Variants in DNAJC1 observed in about 807,000 individuals in gnomAD.
DNAJC1 encodes DnaJ heat shock protein family (Hsp40) member C1.
DNAJC1 carries 58 observed loss-of-function variants against 76.6 expected under a neutral mutation model. That is an observed-to-expected ratio of 0.76 (90% CI 0.61 to 0.94). DNAJC1 has a LOEUF of 0.94. Ranked by LOEUF, DNAJC1 falls within the 40% of genes least tolerant of loss-of-function variation. DNAJC1 has a pLI of 0.00. For synonymous variants in DNAJC1, 258 were observed against 267.9 expected, an observed-to-expected ratio of 0.96 and a Z score of 0.36; for missense variants, 689 against 677.3, an observed-to-expected ratio of 1.02 and a Z score of -0.19.
At chr10:21,922,703 C>T (rs949761709) in intron 3 of DNAJC1, among the ~76,000 whole-genome samples, 1 of 151,920 alleles carries the variant, frequency 6.6e-6, no homozygotes, top group Non-Finnish European at 1.5e-5. Flanking sequence ...TTCAAGTGCT[C>T]TAACATAAGA....
intron 1 of DNAJC1, among the ~76,000 whole-genome samples, chr10:21,957,721 A>G (rs1322284711): frequency 6.6e-6 from 1 of 152,198 alleles, no homozygotes; most frequent in African/African-American, 2.4e-5. Flanking sequence ...CAAGTAACAC[A>G]TGAATAAATA....
chr10:21,883,295 C>CACACACACACACACACA (rs1554893891), intron 7 of DNAJC1, among the ~76,000 whole-genome samples: 7 of 149,846 alleles, frequency 4.7e-5, no homozygotes, highest in Non-Finnish European at 7.4e-5. Flanking sequence ...CACACACACA[C>CACACACACACACACACA]CATTTTAACT....
intron 7 of DNAJC1, among the ~76,000 whole-genome samples, chr10:21,899,518 T>C (rs1033697751): frequency 6.6e-6 from 1 of 152,002 alleles, no homozygotes; most frequent in Non-Finnish European, 1.5e-5. Flanking sequence ...GGCTTTGGAG[T>C]ATACAGACAG....
intron 9 of DNAJC1, among the ~76,000 whole-genome samples, chr10:21,795,892 C>CT (rs1834745811): frequency 6.6e-6 from 1 of 151,294 alleles, no homozygotes; most frequent in South Asian, 2.1e-4. Context: ...AGTATCTGTC[C>CT]TTATAGGAGA....
chr10:21,851,922 G>C (rs1342280838), intron 8 of DNAJC1, among the ~76,000 whole-genome samples: 3 of 151,806 alleles, frequency 2.0e-5, no homozygotes. Context: ...GCCTGGTGGC[G>C]GGCGCCTGTA....
chr10:21,895,934 GCAGGCCACCACTT>G (rs532479100), intron 7 of DNAJC1, among the ~76,000 whole-genome samples: 3 of 152,140 alleles, frequency 2.0e-5, no homozygotes, highest in African/African-American at 7.2e-5. Context: ...TACAGCTCAT[GCAGGCCACCACTT>G]CAGGCCACCA....
chr10:21,918,818 C>G lies in DNAJC1; in HGVS notation c.690G>C (p.Trp230Cys), dbSNP rs749176575. The G allele has an allele frequency of 6.2e-7, 1 of 1,613,182 alleles. No individual in the cohort carries two copies. Among genetic ancestry groups the G allele is most frequent in the South Asian group, 1.1e-5 (1 of 91,054 alleles). Residue 230 changes from tryptophan (W) to cysteine (C), a missense_variant, in exon 6 of 12, where the codon TGG (tryptophan) becomes TGC (cysteine). Coordinates refer to ENST00000376980, the MANE Select transcript of DNAJC1 (RefSeq NM_022365.4). ...GTAATGCTTTTAGTGTAAGGCAAAA[C>G]CAAATCCCCAGTTTGCATGGAAGCA... Reference protein sequence around the residue: ...HDLLPCKLGIWFCLTLKALPH... With the variant: ...HDLLPCKLGICFCLTLKALPH...
rs1838562298 is a variant in DNAJC1 at position 22,003,506 on chromosome 10, T to C, written c.-72A>G. ...AGAGCTGGGACGTGGCGGGCGGCGC[T>C]GGCTGTGGGGAACAGCGCCTGTCAG... is the stretch of plus-strand genomic sequence containing the variant. On this transcript the variant is annotated 5_prime_UTR_variant, in exon 1 of 12. Coordinates refer to ENST00000376980, the MANE Select transcript of DNAJC1 (RefSeq NM_022365.4). 4 of 1,298,346 alleles carry C rather than the reference T, an allele frequency of 3.1e-6. No individual in the cohort carries two copies. The highest frequency in any genetic ancestry group is 3.9e-6 in the Non-Finnish European group (4 of 1,028,772). 80.4% of individuals were successfully genotyped at this position (1,298,346 alleles called of 1,614,324 possible).
chr10:21,872,172 C>T (rs1281374749), intron 8 of DNAJC1, among the ~76,000 whole-genome samples: 1 of 150,068 alleles, frequency 6.7e-6, no homozygotes, highest in Non-Finnish European at 1.5e-5. Flanking sequence ...CTCCTGGGTT[C>T]AAGTGATTCT....
chr10:21,760,026 CTG>C (rs1179523374), intron 10 of DNAJC1, among the ~76,000 whole-genome samples: 1 of 152,228 alleles, frequency 6.6e-6, no homozygotes, highest in African/African-American at 2.4e-5. Context: ...AACCTTAAAA[CTG>C]TGCTGCCTCT....
chr10:21,957,189 C>A (rs939529973), intron 1 of DNAJC1, among the ~76,000 whole-genome samples: 26 of 152,100 alleles, frequency 1.7e-4, no homozygotes, highest in African/African-American at 6.3e-4. Flanking sequence ...TGCGCCTGAC[C>A]AGAATTCTTT....
intron 8 of DNAJC1, among the ~76,000 whole-genome samples, chr10:21,869,030 CTT>C (rs1200419665): frequency 6.6e-6 from 1 of 151,938 alleles, no homozygotes; most frequent in Non-Finnish European, 1.5e-5. Flanking sequence ...TTATTTGACA[CTT>C]TTTGTAGTGG....
intron 1 of DNAJC1, among the ~76,000 whole-genome samples, chr10:21,997,059 C>T (rs45523934): frequency 0.014 from 2,173 of 152,138 alleles, 18 homozygotes; most frequent in Non-Finnish European, 0.022. Flanking sequence ...CACACATGTA[C>T]AAAGGAATAG....
At chr10:21,924,086 A>G (rs1747484625) in intron 3 of DNAJC1, among the ~76,000 whole-genome samples, 1 of 152,076 alleles carries the variant, frequency 6.6e-6, no homozygotes, top group South Asian at 2.1e-4. Context: ...AACTACTTGT[A>G]CAAAGATTAT....
chr10:21,914,600 T>C lies in DNAJC1; in HGVS notation c.729+4179A>G, dbSNP rs182455963. On this transcript the variant is annotated intron_variant, in intron 6 of 11. Coordinates refer to ENST00000376980, the MANE Select transcript of DNAJC1 (RefSeq NM_022365.4). Reference sequence around the variant, plus strand: ...GTCATATCAGATTTACCTGTTATAATATAAATTCCTAAATAGATATACTCA... The same window carrying C: ...GTCATATCAGATTTACCTGTTATAACATAAATTCCTAAATAGATATACTCA... Among the ~76,000 whole-genome samples, 43 of 152,306 alleles carry C rather than the reference T, an allele frequency of 2.8e-4. 1 individual carries two copies. The highest frequency in any genetic ancestry group is 6.5e-4 in the Admixed American group (10 of 15,306).
chr10:21,879,561 T>C (rs1684079944), intron 8 of DNAJC1, among the ~76,000 whole-genome samples: 1 of 151,944 alleles, frequency 6.6e-6, no homozygotes, highest in Non-Finnish European at 1.5e-5. Flanking sequence ...AAGGCAGAGG[T>C]TGCAGTGAGC....
At chr10:21,980,027 A>T (rs1270681463) in intron 1 of DNAJC1, among the ~76,000 whole-genome samples, 1 of 152,010 alleles carries the variant, frequency 6.6e-6, no homozygotes. Context: ...TTCCAGAATC[A>T]AAACATTAAC....
chr10:21,868,982 G>T (rs1370546009), intron 8 of DNAJC1, among the ~76,000 whole-genome samples: 1 of 151,964 alleles, frequency 6.6e-6, no homozygotes, highest in African/African-American at 2.4e-5. Context: ...AAGGAACAGG[G>T]CTTAAAGGAA....
chr10:21,841,891 T>C (rs1336626888), intron 8 of DNAJC1, among the ~76,000 whole-genome samples: 5 of 152,004 alleles, frequency 3.3e-5, no homozygotes, highest in Non-Finnish European at 1.5e-5. Flanking sequence ...ATGTGGCATA[T>C]ATACACCATG....
Sources: allele counts gnomAD v4.1 joint callset (sites outside exome capture counted in the v4.1 genomes callset), GRCh38; gene constraint gnomAD v4.1.1; transcripts MANE v1.5; gene names NCBI Gene and HGNC (gene_info 2026-07-23, HGNC 2026-07-21).